The following NRG1 variants were observed in gnomAD, a reference collection of about 807,000 sequenced individuals.
NRG1 encodes the protein pro-neuregulin-1, membrane-bound isoform.
In NRG1, 18 loss-of-function variants were observed where a neutral mutation model predicts 63.8. The observed-to-expected ratio is 0.28, with a 90% confidence interval of 0.19 to 0.42. The LOEUF is 0.42. Ranked by LOEUF, NRG1 falls within the 10% of genes least tolerant of loss-of-function variation. NRG1 has a pLI of 1.00. For missense variants in NRG1, 762 were observed against 814.7 expected (o/e 0.94, Z 0.79); for synonymous variants, 302 against 301.3 (o/e 1.00, Z -0.02).
chr8:32,614,989 G>A (rs532874210), intron 4 of NRG1, among the ~76,000 whole-genome samples: 8 of 151,736 alleles, frequency 5.3e-5, no homozygotes, highest in East Asian at 3.9e-4. Flanking sequence ...GTTGTGGATC[G>A]CTAAACTTAA....
At chr8:32,206,758 C>T (rs190160642) in intron 1 of NRG1, among the ~76,000 whole-genome samples, 156 of 152,210 alleles carry the variant, frequency 1.0e-3, no homozygotes, top group African/African-American at 3.5e-3. Flanking sequence ...GTACATTGTA[C>T]GCATTAAGTA....
chr8:32,745,661 T>C (rs1323495475), intron 7 of NRG1, among the ~76,000 whole-genome samples: 4 of 132,910 alleles, frequency 3.0e-5, no homozygotes, highest in South Asian at 2.3e-4. Context: ...TTCATCGATA[T>C]GTGGTGTGTG....
At chr8:32,686,485 G>A (rs538290569) in intron 5 of NRG1, among the ~76,000 whole-genome samples, 13 of 152,304 alleles carry the variant, frequency 8.5e-5, no homozygotes, top group South Asian at 4.1e-4. Flanking sequence ...AGACAGGGCC[G>A]GTAGTGACAG....
intron 5 of NRG1, among the ~76,000 whole-genome samples, chr8:32,664,787 C>T (rs985137900): frequency 6.6e-6 from 1 of 152,098 alleles, no homozygotes; most frequent in Non-Finnish European, 1.5e-5. Context: ...ATTCCATGCA[C>T]ATTAGTAATT....
intron 1 of NRG1, among the ~76,000 whole-genome samples, chr8:32,052,811 A>G (rs955552975): frequency 6.6e-6 from 1 of 152,180 alleles, no homozygotes; most frequent in East Asian, 1.9e-4. Flanking sequence ...GTTCTCTCAT[A>G]GTTCTATGGA....
Position 31,846,454 on chromosome 8 carries a change from G to A in NRG1, c.37+207023G>A, listed in dbSNP as rs1007365296. Among the ~76,000 whole-genome samples the A allele has an allele frequency of 3.9e-5, 6 of 152,100 alleles. 1 individual carries two copies. Among genetic ancestry groups the A allele is most frequent in the Admixed American group, 3.9e-4 (6 of 15,268 alleles). On this transcript the variant is annotated intron_variant, in intron 1 of 10. Transcript: ENST00000519301. ...ACTTCTATTTATATAATGTTGTTCT[G>A]GTCAAGGTTTATACTAAATCTCTTT...
chr8:31,925,422 C>G (rs999849484), intron 1 of NRG1, among the ~76,000 whole-genome samples: 1 of 151,670 alleles, frequency 6.6e-6, no homozygotes, highest in Non-Finnish European at 1.5e-5. Flanking sequence ...TTATTCAATT[C>G]ATGTAAACCC....
chr8:32,037,403 G>A (rs1819237672), intron 1 of NRG1, among the ~76,000 whole-genome samples: 1 of 152,206 alleles, frequency 6.6e-6, no homozygotes, highest in East Asian at 1.9e-4. Context: ...CGACTCAGGA[G>A]GAACAGGATC....
In NRG1 at chr8:32,091,043, G is replaced by A. The variant is rs534646598; in HGVS notation, c.37+451612G>A. 3.3e-5 allele frequency among the ~76,000 whole-genome samples: 5 copies of A among 152,310 alleles called. No homozygotes were observed. In the South Asian group the frequency reaches 1.0e-3, roughly 32 times the overall value. ...ACCTGTAATCCCAGAACTCTGGGAGGCCGAGGTGGGCGGATCACGAGGTCA... is the reference window on the plus strand; with the variant it reads ...ACCTGTAATCCCAGAACTCTGGGAGACCGAGGTGGGCGGATCACGAGGTCA... On this transcript the variant is annotated intron_variant, in intron 1 of 10. Coordinates refer to the NRG1 transcript ENST00000519301.
intron 1 of NRG1, among the ~76,000 whole-genome samples, chr8:32,531,553 T>C (rs1563593286): frequency 6.6e-6 from 1 of 152,178 alleles, no homozygotes; most frequent in Admixed American, 6.5e-5. Flanking sequence ...AGGGAAACTA[T>C]GCAATTCGAA....
intron 1 of NRG1, among the ~76,000 whole-genome samples, chr8:32,358,408 CCT>C (rs1554517726): frequency 1.3e-5 from 2 of 149,694 alleles, no homozygotes; most frequent in Non-Finnish European, 2.9e-5. Context: ...GAGTGGTTCT[CCT>C]CTCTGTTATG....
rs544961837 is a variant in NRG1, at chr8:32,605,489, T to C, written c.279-73T>C. 8 of 1,566,850 alleles carry C rather than the reference T, an allele frequency of 5.1e-6. No homozygotes were observed. In the Admixed American group the frequency reaches 7.0e-5, roughly 14 times the overall value. ...AGGCAGTTTGAGAACTCTGAAAGCA[T>C]AGAAAAGTATGTATTTATATTTGTT... On this transcript the variant is annotated intron_variant, in intron 2 of 11. Coordinates refer to ENST00000356819, the Ensembl canonical transcript of NRG1.
chr8:31,676,723 A>G (rs1281140845), intron 1 of NRG1, among the ~76,000 whole-genome samples: 2 of 152,190 alleles, frequency 1.3e-5, no homozygotes, highest in African/African-American at 4.8e-5. Flanking sequence ...CAGGTTTCAA[A>G]TTTTAGCTCT....
At position 32,118,343 on chromosome 8, in the gene NRG1, T is replaced by C. The variant is rs564202830; in HGVS notation, c.38-477485T>C. On this transcript the variant is annotated intron_variant, in intron 1 of 10. Transcript: ENST00000519301. ...GCAGAGCTGGTTGTTAAAAAGAGCC[T>C]GGTTCCTCTTCCCCCTCTCTCTCTT... Among the ~76,000 whole-genome samples, 5 of 151,822 alleles carry C rather than the reference T, an allele frequency of 3.3e-5. No individual in the cohort carries two copies. The South Asian group carries it at 1.0e-3, about 31-fold the overall frequency.
intron 8 of NRG1, among the ~76,000 whole-genome samples, chr8:32,754,766 A>G (rs1023783797): frequency 6.6e-6 from 1 of 152,148 alleles, no homozygotes; most frequent in Non-Finnish European, 1.5e-5. Flanking sequence ...TGGGTGGGAC[A>G]GAATGAAGGC....
intron 1 of NRG1, among the ~76,000 whole-genome samples, chr8:31,917,584 T>G (rs1366646349): frequency 1.3e-5 from 2 of 152,148 alleles, no homozygotes; most frequent in Non-Finnish European, 2.9e-5. Context: ...TTGGTACCAG[T>G]ACCATGCTGT....
chr8:32,449,499 T>C (rs1587717917), intron 1 of NRG1, among the ~76,000 whole-genome samples: 1 of 151,996 alleles, frequency 6.6e-6, no homozygotes, highest in Non-Finnish European at 1.5e-5. Context: ...TAAGACTTCT[T>C]TGAGATTTAA....
intron 1 of NRG1, among the ~76,000 whole-genome samples, chr8:31,771,415 C>T (rs1344414443): frequency 1.3e-5 from 2 of 152,058 alleles, no homozygotes; most frequent in African/African-American, 4.8e-5. Context: ...CAATTTGGGG[C>T]TATTACTGAA....
chr8:32,032,677 C>T lies in NRG1; in HGVS notation c.37+393246C>T, dbSNP rs1336423360. Among the ~76,000 whole-genome samples the T allele has an allele frequency of 2.0e-5, 3 of 152,096 alleles. No individual in the cohort carries two copies. In the East Asian group the frequency reaches 5.8e-4, roughly 29 times the overall value. The stretch of plus-strand genomic sequence containing the variant: ...TCCTTGTAGATTCTGGGTGTTAGAC[C>T]TTTGTCAGATGGATAGATTGAAAAA... On this transcript the variant is annotated intron_variant, in intron 1 of 10. Coordinates refer to the NRG1 transcript ENST00000519301.
Sources: allele counts gnomAD v4.1 joint callset (sites outside exome capture counted in the v4.1 genomes callset), GRCh38; gene constraint gnomAD v4.1.1; transcripts MANE v1.5; gene names NCBI Gene and HGNC (gene_info 2026-07-23, HGNC 2026-07-21).